The following ATP2B2 variants were observed in gnomAD, a reference collection of about 807,000 sequenced individuals.
ATP2B2 encodes the protein ATPase plasma membrane Ca2+ transporting 2, also known as plasma membrane calcium-transporting ATPase 2.
In ATP2B2, 15 loss-of-function variants were observed where a neutral mutation model predicts 120.0. The ratio of observed to expected loss-of-function variants is 0.12; its 90% confidence interval spans 0.08 to 0.19. The LOEUF (loss-of-function observed/expected upper bound fraction) is 0.19. Among genes scored for constraint, ATP2B2 ranks in the 10% least tolerant of loss-of-function variants. ATP2B2 has a pLI of 1.00. For synonymous variants in ATP2B2, 694 were observed against 700.3 expected (o/e 0.99, Z 0.14); for missense variants, 1,045 against 1,719.8 (o/e 0.61, Z 6.94).
chr3:10,445,677 TC>T (rs1422890944), intron 2 of ATP2B2, among the ~76,000 whole-genome samples: 1 of 152,194 alleles, frequency 6.6e-6, no homozygotes, highest in Admixed American at 6.5e-5. Context: ...CTTTCAGAGA[TC>T]TTTTTGCCTA....
At chr3:10,413,343 A>C (rs1421124005) in intron 2 of ATP2B2, among the ~76,000 whole-genome samples, 1 of 152,212 alleles carries the variant, frequency 6.6e-6, no homozygotes, top group Non-Finnish European at 1.5e-5. Flanking sequence ...AGACACTCCC[A>C]CTGGGGGAGC....
At chr3:10,550,863 G>C (rs2125512159) in intron 2 of ATP2B2, among the ~76,000 whole-genome samples, 1 of 152,344 alleles carries the variant, frequency 6.6e-6, no homozygotes, top group African/African-American at 2.4e-5. Flanking sequence ...GACAGAAGCT[G>C]TTATGCACGG....
chr3:10,442,879 G>A (rs77365100), intron 2 of ATP2B2, among the ~76,000 whole-genome samples: 3 of 152,286 alleles, frequency 2.0e-5, no homozygotes, highest in East Asian at 3.9e-4. Context: ...TGCTTACAGC[G>A]ACCCTATGAA....
intron 2 of ATP2B2, among the ~76,000 whole-genome samples, chr3:10,422,793 A>T (rs1205008882): frequency 6.6e-6 from 1 of 152,262 alleles, no homozygotes; most frequent in African/African-American, 2.4e-5. Flanking sequence ...GAACGGGCAC[A>T]CAGAGGCTGT....
intron 2 of ATP2B2, among the ~76,000 whole-genome samples, chr3:10,568,046 G>A (rs2068046366): frequency 6.6e-6 from 1 of 152,242 alleles, no homozygotes; most frequent in Non-Finnish European, 1.5e-5. Context: ...CAAAGGTGAA[G>A]AGGCCCTTTG....
At chr3:10,393,038 G>A (rs1459885453) in intron 5 of ATP2B2, among the ~76,000 whole-genome samples, 1 of 152,226 alleles carries the variant, frequency 6.6e-6, no homozygotes, top group Non-Finnish European at 1.5e-5. Flanking sequence ...GACAGACATG[G>A]TGGGGTGTCA....
At chr3:10,481,330 G>A (rs1326942981) in intron 1 of ATP2B2, among the ~76,000 whole-genome samples, 1 of 145,756 alleles carries the variant, frequency 6.9e-6, no homozygotes, top group Admixed American at 7.1e-5. Flanking sequence ...TTCTGTTTCT[G>A]CGGCACACCA....
chr3:10,511,163 A>G (rs189218739), intron 3 of ATP2B2, among the ~76,000 whole-genome samples: 1 of 152,058 alleles, frequency 6.6e-6, no homozygotes, highest in African/African-American at 2.4e-5. Context: ...TCTGCCAGGG[A>G]TGCCTTCCCT....
chr3:10,577,180 T>G (rs2068273526), intron 2 of ATP2B2, among the ~76,000 whole-genome samples: 1 of 152,144 alleles, frequency 6.6e-6, no homozygotes, highest in African/African-American at 2.4e-5. Context: ...AGCTGGAATC[T>G]GCAGTTAGCA....
chr3:10,522,718 T>C (rs138261715), intron 3 of ATP2B2, among the ~76,000 whole-genome samples: 275 of 152,318 alleles, frequency 1.8e-3, no homozygotes, highest in African/African-American at 5.7e-3. Context: ...TTGAAGTCAT[T>C]ACCTCATAGA....
chr3:10,654,171 T>C (rs1034583644), intron 1 of ATP2B2, among the ~76,000 whole-genome samples: 2 of 152,164 alleles, frequency 1.3e-5, no homozygotes, highest in African/African-American at 2.4e-5. Context: ...ATAAGATACT[T>C]GCCCAAGGTA....
chr3:10,380,745 T>C (rs887854317), intron 8 of ATP2B2, among the ~76,000 whole-genome samples: 2 of 152,192 alleles, frequency 1.3e-5, no homozygotes, highest in Non-Finnish European at 2.9e-5. Context: ...GAAGTCTTCA[T>C]TTCACCACCA....
chr3:10,417,278 C>T (rs1181112327), intron 2 of ATP2B2, among the ~76,000 whole-genome samples: 2 of 151,236 alleles, frequency 1.3e-5, no homozygotes, highest in East Asian at 3.9e-4. Flanking sequence ...GTGTGGGGGC[C>T]GAGCAGAGGT....
chr3:10,451,070 C>T (rs920371303), intron 1 of ATP2B2, among the ~76,000 whole-genome samples: 9 of 152,250 alleles, frequency 5.9e-5, no homozygotes, highest in African/African-American at 2.2e-4. Context: ...GTCTTTCACA[C>T]ATTTTAGAGC....
chr3:10,704,206 TA>T (rs1350038546), intron 1 of ATP2B2, among the ~76,000 whole-genome samples: 1 of 152,194 alleles, frequency 6.6e-6, no homozygotes, highest in Non-Finnish European at 1.5e-5. Flanking sequence ...TGAATAATAA[TA>T]AAACCTATAT....
intron 1 of ATP2B2, among the ~76,000 whole-genome samples, chr3:10,689,040 T>A (rs532294480): frequency 9.4e-4 from 143 of 152,294 alleles, no homozygotes; most frequent in African/African-American, 3.3e-3. Flanking sequence ...ATGTGAGGGT[T>A]TGACCAACAC....
chr3:10,356,901 G>C (rs941710627), intron 14 of ATP2B2, among the ~76,000 whole-genome samples: 1 of 152,054 alleles, frequency 6.6e-6, no homozygotes, highest in Non-Finnish European at 1.5e-5. Context: ...TGTCTTTGCT[G>C]TTTTAGGATC....
intron 1 of ATP2B2, among the ~76,000 whole-genome samples, chr3:10,681,674 C>T (rs2071387238): frequency 6.6e-6 from 1 of 152,228 alleles, no homozygotes; most frequent in Non-Finnish European, 1.5e-5. Flanking sequence ...CTACTACATT[C>T]AGACTATAAT....
intron 2 of ATP2B2, among the ~76,000 whole-genome samples, chr3:10,422,555 T>C (rs944915862): frequency 6.6e-6 from 1 of 152,190 alleles, no homozygotes; most frequent in Non-Finnish European, 1.5e-5. Flanking sequence ...GGGCAGCATT[T>C]ACCTGATCCT....
Sources: gnomAD v4.1 joint callset for allele counts (sites outside exome capture counted in the v4.1 genomes callset) on GRCh38, gnomAD v4.1.1 for gene constraint, MANE v1.5 for transcripts, NCBI Gene and HGNC (gene_info 2026-07-23, HGNC 2026-07-21) for gene names.